Variants in SEMA6A observed in about 807,000 individuals in gnomAD.
SEMA6A encodes the protein semaphorin 6A.
Under a neutral mutation model 96.8 loss-of-function variants are expected in SEMA6A, and 25 were observed. That is an observed-to-expected ratio of 0.26 (90% CI 0.19 to 0.36). The LOEUF (loss-of-function observed/expected upper bound fraction) is 0.36, where lower values mean the gene tolerates loss of function less well. Ranked by LOEUF, SEMA6A falls within the 10% of genes least tolerant of loss-of-function variation. The pLI is 1.00. For missense variants in SEMA6A, 1,363 were observed against 1,323.1 expected, an observed-to-expected ratio of 1.03 and a Z score of -0.47; for synonymous variants, 612 against 518.0, an observed-to-expected ratio of 1.18 and a Z score of -2.46.
At chr5:116,556,714 T>G (rs153640) in intron 1 of SEMA6A, among the ~76,000 whole-genome samples, 98,955 of 152,020 alleles carry the variant, frequency 0.65, 34,105 homozygotes, top group East Asian at 0.88. Flanking sequence ...GGTGTTCAGC[T>G]TCATTTTGTG....
chr5:116,542,443 T>C (rs1435904501), intron 1 of SEMA6A, among the ~76,000 whole-genome samples: 5 of 152,210 alleles, frequency 3.3e-5, no homozygotes, highest in East Asian at 1.9e-4. Context: ...AATACCCTTT[T>C]CTAAAGGACC....
At chr5:116,491,277 C>G (rs558992097) in intron 7 of SEMA6A, among the ~76,000 whole-genome samples, 6 of 152,250 alleles carry the variant, frequency 3.9e-5, no homozygotes, top group Admixed American at 2.0e-4. Context: ...GTGAGAACCA[C>G]CAGTCTCATC....
At chr5:116,572,103 CTT>C (rs1294362507) in intron 1 of SEMA6A, among the ~76,000 whole-genome samples, 3 of 152,140 alleles carry the variant, frequency 2.0e-5, no homozygotes, top group Non-Finnish European at 4.4e-5. Flanking sequence ...CCTGGCAAGA[CTT>C]AAAAACCAGC....
At chr5:116,568,274 A>T (rs1169371951) in intron 1 of SEMA6A, among the ~76,000 whole-genome samples, 1 of 152,190 alleles carries the variant, frequency 6.6e-6, no homozygotes, top group East Asian at 1.9e-4. Context: ...TAATCCTATA[A>T]GTTAGGAAGA....
At chr5:116,505,676 G>A (rs1332752761) in intron 1 of SEMA6A, among the ~76,000 whole-genome samples, 3 of 152,146 alleles carry the variant, frequency 2.0e-5, no homozygotes, top group African/African-American at 7.2e-5. Flanking sequence ...ACTGCATTCT[G>A]AAACGGTATT....
At chr5:116,547,138 T>A (rs1251828084) in intron 1 of SEMA6A, among the ~76,000 whole-genome samples, 1 of 152,224 alleles carries the variant, frequency 6.6e-6, no homozygotes, top group Admixed American at 6.5e-5. Context: ...AACAATTTTT[T>A]AAAAATCTAT....
At chr5:116,572,847 C>A (rs1305544286) in intron 1 of SEMA6A, among the ~76,000 whole-genome samples, 2 of 152,126 alleles carry the variant, frequency 1.3e-5, no homozygotes, top group Non-Finnish European at 2.9e-5. Context: ...CCAGTCCGGT[C>A]GTGCCTGCCG....
chr5:116,465,822 T>G (rs1000668046), intron 18 of SEMA6A, among the ~76,000 whole-genome samples: 2 of 152,142 alleles, frequency 1.3e-5, no homozygotes, highest in Admixed American at 6.5e-5. Context: ...GGCTGTTTTA[T>G]TTTGTTTCAG....
intron 1 of SEMA6A, among the ~76,000 whole-genome samples, chr5:116,511,934 T>TA (rs1440330580): frequency 2.6e-5 from 4 of 152,296 alleles, no homozygotes; most frequent in African/African-American, 9.6e-5. Flanking sequence ...GATGTGGACA[T>TA]ATCTCAAGTG....
At chr5:116,572,446 C>T (rs947200239) in intron 1 of SEMA6A, among the ~76,000 whole-genome samples, 2 of 152,228 alleles carry the variant, frequency 1.3e-5, no homozygotes, top group Non-Finnish European at 2.9e-5. Flanking sequence ...AGTGCTTGCC[C>T]CGGCTGTGAA....
chr5:116,573,999 G>C (rs1358713099), intron 1 of SEMA6A, among the ~76,000 whole-genome samples, 186 bp downstream of exon 1: 1 of 151,996 alleles, frequency 6.6e-6, no homozygotes, highest in Non-Finnish European at 1.5e-5. Context: ...AGGGCAGAGA[G>C]GAAAGGCAGG....
At chr5:116,491,608 G>C in intron 7 of SEMA6A, 132 bp downstream of exon 7, 1 of 676,650 alleles carries the variant, frequency 1.5e-6, no homozygotes, top group East Asian at 2.6e-5. Context: ...AAACAGAAAG[G>C]CATTCTTAAT....
At chr5:116,537,509 G>C (rs1045019656) in intron 1 of SEMA6A, among the ~76,000 whole-genome samples, 21 of 152,024 alleles carry the variant, frequency 1.4e-4, no homozygotes, top group African/African-American at 5.1e-4. Context: ...CAGTGCTAGG[G>C]GTTCAAGTCC....
rs1761380876 is a variant in SEMA6A, at chr5:116,574,451, A to G, written c.-305T>C. On this transcript the variant is annotated 5_prime_UTR_variant, in exon 1 of 19. Transcript: ENST00000343348. ...GAAAAAAGAAGCCAAAAAAAAAAAG[A>G]AGAAAAAGAAAAAGAAAACCAACAA... 6.6e-6 allele frequency: 1 copy of G among 151,154 alleles called. No homozygotes were observed. 9.4% of individuals were successfully genotyped at this position (151,154 alleles called of 1,614,324 possible). A position where few individuals can be genotyped will look rare whatever the true frequency, so the allele number is the denominator to read the frequency against.
intron 18 of SEMA6A, among the ~76,000 whole-genome samples, chr5:116,466,059 T>TAAA (rs35801222): frequency 7.5e-5 from 7 of 93,624 alleles, no homozygotes; most frequent in African/African-American, 1.3e-4. Context: ...AAAACCAGCT[T>TAAA]AAAAAAAAAA....
At chr5:116,572,278 A>G (rs1183689990) in intron 1 of SEMA6A, among the ~76,000 whole-genome samples, 1 of 152,196 alleles carries the variant, frequency 6.6e-6, no homozygotes, top group East Asian at 1.9e-4. Context: ...CACAGATCGC[A>G]TTCAGTAGCG....
intron 1 of SEMA6A, among the ~76,000 whole-genome samples, chr5:116,557,230 T>C (rs1461228034): frequency 6.6e-6 from 1 of 152,154 alleles, no homozygotes; most frequent in Non-Finnish European, 1.5e-5. Flanking sequence ...TTGAAATACT[T>C]TTCTTTTTGT....
intron 1 of SEMA6A, among the ~76,000 whole-genome samples, chr5:116,567,520 G>C (rs749721776): frequency 5.9e-5 from 9 of 152,152 alleles, no homozygotes; most frequent in Non-Finnish European, 1.2e-4. Context: ...CCGGCATTGT[G>C]ACATGCATTT....
At chr5:116,516,197 A>G (rs1216090905) in intron 1 of SEMA6A, among the ~76,000 whole-genome samples, 1 of 152,200 alleles carries the variant, frequency 6.6e-6, no homozygotes, top group African/African-American at 2.4e-5. Context: ...GAGGCATAAT[A>G]TCATTTCAGG....
Sources: gnomAD v4.1 joint callset for allele counts (sites outside exome capture counted in the v4.1 genomes callset) on GRCh38, gnomAD v4.1.1 for gene constraint, MANE v1.5 for transcripts, NCBI Gene and HGNC (gene_info 2026-07-23, HGNC 2026-07-21) for gene names.